PCDHGA1: variants seen among roughly 807,000 people sequenced by gnomAD.
PCDHGA1 encodes protocadherin gamma subfamily A, 1.
PCDHGA1 carries 32 observed loss-of-function variants against 58.0 expected under a neutral mutation model. The observed-to-expected ratio is 0.55, with a 90% CI of 0.42 to 0.74. PCDHGA1 has a LOEUF of 0.74. Ranked by LOEUF, PCDHGA1 falls within the 30% of genes least tolerant of loss-of-function variation. The pLI, the probability that PCDHGA1 is intolerant of heterozygous loss-of-function variation, is 0.00. For missense variants in PCDHGA1, 1,205 were observed against 1,182.3 expected, an observed-to-expected ratio of 1.02 and a Z score of -0.28; for synonymous variants, 498 against 501.1, an observed-to-expected ratio of 0.99 and a Z score of 0.08.
intron 1 of PCDHGA1, among the ~76,000 whole-genome samples, chr5:141,372,994 C>T (rs1769242152): frequency 6.6e-6 from 1 of 152,146 alleles, no homozygotes; most frequent in South Asian, 2.1e-4. Flanking sequence ...TGCAGTTGTT[C>T]TTTCATAGAA....
At chr5:141,494,926 G>C in intron 2 of PCDHGA1, 61 bp downstream of exon 2, 2 of 1,613,498 alleles carry the variant, frequency 1.2e-6, no homozygotes, top group Non-Finnish European at 1.7e-6. Context: ...GGATGACGTG[G>C]GAGGAGATGG....
At chr5:141,357,159 T>A (rs372439046) in intron 1 of PCDHGA1, 31 of 1,613,408 alleles carry the variant, frequency 1.9e-5, no homozygotes, top group African/African-American at 6.7e-5. Context: ...GCCAGCCCCC[T>A]CTCTCGGCCA....
chr5:141,489,080 C>CCCA lies in PCDHGA1; in HGVS notation c.2422-5727_2422-5726insCCA. On this transcript the variant is annotated intron_variant, in intron 1 of 3. Coordinates refer to ENST00000517417, the MANE Select transcript of PCDHGA1 (RefSeq NM_018912.3). This position sits in a 1 kb window ranked among gnomAD's most constrained non-coding sequence, Gnocchi z 4.5. ...TCCCCTCCCCCCTGCCCACCCCCGC[C>CCCA]ACTCGGTGACTAAGAACTGCTGCAA... 3.0e-6 allele frequency: 1 copy of CCCA among 336,172 alleles called. No individual in the cohort carries two copies. The highest frequency in any genetic ancestry group is 5.5e-5 in the East Asian group (1 of 18,342). 20.8% of individuals were successfully genotyped at this position (336,172 alleles called of 1,614,324 possible).
chr5:141,447,514 C>T (rs901543835), intron 1 of PCDHGA1, among the ~76,000 whole-genome samples: 20 of 152,196 alleles, frequency 1.3e-4, no homozygotes, highest in Admixed American at 8.5e-4. Context: ...AGATGCATAA[C>T]AATCATAACA....
At chr5:141,398,256 G>C in intron 1 of PCDHGA1, 3 of 1,460,296 alleles carry the variant, frequency 2.1e-6, no homozygotes, top group Non-Finnish European at 9.3e-7. Flanking sequence ...AAATGCCCAA[G>C]GGCTCCGTAG....
chr5:141,430,951 C>A, intron 1 of PCDHGA1: 3 of 1,610,496 alleles, frequency 1.9e-6, no homozygotes, highest in Non-Finnish European at 2.5e-6. Flanking sequence ...AGCGCGGAGT[C>A]CGCATCATCC....
intron 3 of PCDHGA1, among the ~76,000 whole-genome samples, chr5:141,509,139 A>G (rs1042555376): frequency 2.6e-5 from 4 of 152,140 alleles, no homozygotes; most frequent in African/African-American, 9.7e-5. Flanking sequence ...ACCGAGGCGC[A>G]TCCCGGCTCT....
intron 1 of PCDHGA1, among the ~76,000 whole-genome samples, chr5:141,368,930 A>G (rs182609850): frequency 1.4e-4 from 22 of 152,346 alleles, no homozygotes; most frequent in Middle Eastern, 3.4e-3. Flanking sequence ...GTGTCTGTCT[A>G]GAATTCTGGT....
intron 1 of PCDHGA1, chr5:141,340,383 T>C (rs111710453): frequency 6.2e-7 from 1 of 1,613,936 alleles, no homozygotes; most frequent in African/African-American, 1.3e-5. Context: ...GGAGCCTCTG[T>C]CTTCTCAGTG....
chr5:141,419,469 A>G, intron 1 of PCDHGA1: 1 of 1,612,490 alleles, frequency 6.2e-7, no homozygotes, highest in South Asian at 1.1e-5. Context: ...GCCCGCGACC[A>G]GGGCTCGCCC....
At chr5:141,339,634 G>T (rs1756858193) in intron 1 of PCDHGA1, 3 of 1,614,194 alleles carry the variant, frequency 1.9e-6, no homozygotes, top group African/African-American at 1.3e-5. Context: ...GTGACCCAGT[G>T]CTATCTGGCA....
intron 1 of PCDHGA1, chr5:141,403,303 C>A: frequency 6.2e-7 from 1 of 1,613,820 alleles, no homozygotes; most frequent in African/African-American, 1.3e-5. Context: ...TGAAACTGTA[C>A]GGAATAGAAA....
chr5:141,459,981 G>C (rs1023972964), intron 1 of PCDHGA1, among the ~76,000 whole-genome samples: 7 of 152,330 alleles, frequency 4.6e-5, no homozygotes, highest in Admixed American at 1.3e-4. Context: ...AGGAGGCTGA[G>C]ACAGGAGAAT....
At chr5:141,454,871 G>A (rs1337911223) in intron 1 of PCDHGA1, among the ~76,000 whole-genome samples, 2 of 129,030 alleles carry the variant, frequency 1.6e-5, no homozygotes, top group Non-Finnish European at 3.1e-5. Context: ...GCAGTGGCAC[G>A]ATCTTGGCTC....
In PCDHGA1 at chr5:141,332,525, C is replaced by T. The variant is rs1756412318; in HGVS notation, c.1841C>T (p.Pro614Leu). The T allele has an allele frequency of 6.2e-7, 1 of 1,612,780 alleles. No homozygotes were observed. Among genetic ancestry groups the T allele is most frequent in the Non-Finnish European group, 8.5e-7 (1 of 1,179,898 alleles). Residue 614 changes from proline to leucine, a missense_variant, in exon 1 of 4, where the codon CCG (proline) becomes CTG (leucine). By Grantham distance (98) the Pro-to-Leu change is moderately conservative (BLOSUM62 -3). Coordinates refer to ENST00000517417, the MANE Select transcript of PCDHGA1 (RefSeq NM_018912.3). The surrounding 1 kb of genome is among the most constrained non-coding windows in gnomAD (Gnocchi z 4.6). ...LSYRLLKASE[P>L]GLFSVGLHTG... ...TACCGCCTGCTCAAGGCCAGCGAGC[C>T]GGGACTCTTCTCGGTGGGTCTGCAC...
At chr5:141,403,708 T>C (rs1265644591) in intron 1 of PCDHGA1, 2 of 1,613,906 alleles carry the variant, frequency 1.2e-6, no homozygotes, top group South Asian at 1.1e-5. Flanking sequence ...TTAAAGTCCT[T>C]GAGAACGTGC....
At position 141,388,709 on chromosome 5, in the gene PCDHGA1, C is replaced by G. The variant is rs370023698; in HGVS notation, c.2421+55604C>G. On this transcript the variant is annotated intron_variant, in intron 1 of 3. Coordinates refer to ENST00000517417, the MANE Select transcript of PCDHGA1 (RefSeq NM_018912.3). Reference sequence around the variant, plus strand: ...CGGACCAGGATGAGGGTGTCAATGCCGAGATTACTTTCTCTTTCAGTGAAG... The same window carrying G: ...CGGACCAGGATGAGGGTGTCAATGCGGAGATTACTTTCTCTTTCAGTGAAG... 1.4e-5 allele frequency: 22 copies of G among 1,613,938 alleles called. No individual in the cohort carries two copies. In the Admixed American group the frequency reaches 3.7e-4, roughly 27 times the overall value.
intron 1 of PCDHGA1, among the ~76,000 whole-genome samples, chr5:141,370,065 A>G (rs960768866): frequency 6.6e-6 from 1 of 152,254 alleles, no homozygotes; most frequent in Non-Finnish European, 1.5e-5. Context: ...TCCTTTTAAA[A>G]TGGGAAGAAA....
rs760722908 is a variant in PCDHGA1 at position 141,362,262 on chromosome 5, G to A, written c.2421+29157G>A. On this transcript the variant is annotated intron_variant, in intron 1 of 3. Coordinates refer to ENST00000517417, the MANE Select transcript of PCDHGA1 (RefSeq NM_018912.3). ...TGCTCTTCTTCCTCGCGGTGATTCT[G>A]GCAATCTCCCTGCGCCTGCGACTCT... 5.0e-6 allele frequency: 8 copies of A among 1,613,888 alleles called. No homozygotes were observed. In the Admixed American group the frequency reaches 5.0e-5, roughly 10 times the overall value.
Sources: gnomAD v4.1 joint callset for allele counts (sites outside exome capture counted in the v4.1 genomes callset) on GRCh38, gnomAD v4.1.1 for gene constraint, Gnocchi (gnomAD v3.1) non-coding constraint, MANE v1.5 for transcripts, NCBI Gene and HGNC (gene_info 2026-07-23, HGNC 2026-07-21) for gene names.